The following NR1H2 variants were observed in gnomAD, a reference collection of about 807,000 sequenced individuals.
The protein encoded by NR1H2 is nuclear receptor subfamily 1 group H member 2.
NR1H2 carries 33 observed loss-of-function variants against 51.2 expected under a neutral mutation model. That is an observed-to-expected ratio of 0.64 (90% confidence interval 0.49 to 0.86). The LOEUF (loss-of-function observed/expected upper bound fraction) is 0.86, where lower values mean the gene tolerates loss of function less well. NR1H2 is among the 40% of genes least tolerant of loss of function. NR1H2 has a pLI of 0.00. For synonymous variants in NR1H2, 310 were observed against 264.3 expected (o/e 1.17, Z -1.68); for missense variants, 592 against 639.9 (o/e 0.93, Z 0.81).
Position 50,378,153 on chromosome 19 carries a change from C to G in NR1H2, c.186C>G (p.Ile62Met). 2 of 1,608,368 alleles carry G rather than the reference C, an allele frequency of 1.2e-6. No individual in the cohort carries two copies. Among genetic ancestry groups the G allele is most frequent in the Non-Finnish European group, 8.5e-7 (1 of 1,176,478 alleles). The change falls in exon 5 of 10, where the codon ATC becomes ATG. Residue 62 changes from isoleucine to methionine, a missense_variant. Around this residue, in one of 3 missense-constraint regions of NR1H2, gnomAD observed 316 missense variants for 313.4 expected, o/e 1.01. Coordinates refer to ENST00000253727, the MANE Select transcript of NR1H2 (RefSeq NM_007121.7). ...GCCTCTACCTACCCACCCCAGTCAT[C>G]CCAGATCCCGAAGAGGAACCAGAGC... ...ASSACSTDWV[I>M]PDPEEEPERK... is the part of the protein sequence containing the mutation.
rs1211992373 is a variant in NR1H2, at chr19:50,377,828, C to G, written c.139C>G (p.Pro47Ala). The G allele has an allele frequency of 6.2e-7, 1 of 1,605,850 alleles. No homozygotes were observed. The highest frequency in any genetic ancestry group is 8.5e-7 in the Non-Finnish European group (1 of 1,176,946). The change falls in exon 4 of 10, where the codon CCA (proline) becomes GCA (alanine). Residue 47 changes from proline (P) to alanine (A), a missense_variant. Physicochemically the swap from Pro to Ala is conservative, Grantham distance 27. This residue lies in a region of NR1H2 where 316 missense variants were observed against 313.4 expected (regional missense o/e 1.01). Transcript: ENST00000253727. Reference sequence around the variant, plus strand: ...GCCCGGGGGTCCGGACCCTGATGTCCCAGGCACTGATGAGGCCAGCTCAGC... The same window carrying G: ...GCCCGGGGGTCCGGACCCTGATGTCGCAGGCACTGATGAGGCCAGCTCAGC... ...PWPGGPDPDVPGTDEASSACS... is the reference protein window; with the variant it reads ...PWPGGPDPDVAGTDEASSACS...
At chr19:50,378,003 C>T in intron 4 of NR1H2, 133 bp downstream of exon 4, 32 of 1,426,776 alleles carry the variant, frequency 2.2e-5, no homozygotes, top group Non-Finnish European at 3.0e-5. Context: ...ATACATCTTT[C>T]TAAATTGCAA....
Position 50,377,745 on chromosome 19 carries a change from C to G in NR1H2, c.56C>G (p.Pro19Arg). 6.2e-7 allele frequency: 1 copy of G among 1,607,226 alleles called. No homozygotes were observed. Among genetic ancestry groups the G allele is most frequent in the East Asian group, 2.2e-5 (1 of 44,824 alleles). ...LDTPLPGNGPPQPGAPSSSPT... is the reference protein window; with the variant it reads ...LDTPLPGNGPRQPGAPSSSPT... ...CACCCTCTTCCAGGAAATGGCCCCCCTCAGCCTGGCGCCCCTTCTTCTTCA... is the reference window on the plus strand; with the variant it reads ...CACCCTCTTCCAGGAAATGGCCCCCGTCAGCCTGGCGCCCCTTCTTCTTCA... Residue 19 changes from proline (P) to arginine (R), a missense_variant, in exon 4 of 10, where the codon CCT becomes CGT. Physicochemically the swap from Pro to Arg is moderately radical, Grantham distance 103 (BLOSUM62 -2). Transcript: ENST00000253727.
chr19:50,379,963 C>T, intron 8 of NR1H2, 84 bp downstream of exon 8: 1 of 899,618 alleles, frequency 1.1e-6, no homozygotes, highest in South Asian at 1.3e-5. Flanking sequence ...GTTGGAGTCT[C>T]TGTTTCTTTA....
Position 50,382,109 on chromosome 19 carries a change from G to C in NR1H2, c.1171G>C (p.Val391Leu), listed in dbSNP as rs757530580. The change falls in exon 9 of 10, where the codon GTG (valine) becomes CTG (leucine). Residue 391 changes from valine to leucine, a missense_variant. Val to Leu is a conservative substitution (Grantham distance 32). This residue lies in a region of NR1H2 where 174 missense variants were observed against 174.0 expected (regional missense o/e 1.00). Transcript: ENST00000253727. ...GCCCAACGTGCAGGAGCCGGGCCGC[G>C]TGGAGGCGTTGCAGCAGCCCTACGT... ...DRPNVQEPGR[V>L]EALQQPYVEA... 6.5e-7 allele frequency: 1 copy of C among 1,546,462 alleles called. No homozygotes were observed. The highest frequency in any genetic ancestry group is 8.7e-7 in the Non-Finnish European group (1 of 1,146,980).
intron 7 of NR1H2, 122 bp downstream of exon 7, chr19:50,379,303 C>T (rs1001053854): frequency 1.7e-5 from 19 of 1,092,246 alleles, no homozygotes; most frequent in Admixed American, 2.8e-5. Flanking sequence ...ATAGAGTCTT[C>T]TATGAGCCAA....
In NR1H2 at chr19:50,379,791, A is replaced by G; in HGVS notation, c.939A>G (p.Leu313=). 1 of 1,612,494 alleles carries G rather than the reference A, an allele frequency of 6.2e-7. No homozygotes were observed. The highest frequency in any genetic ancestry group is 8.5e-7 in the Non-Finnish European group (1 of 1,178,528). The change falls in exon 8 of 10, where the codon CTA becomes CTG. Residue 313 remains leucine (L), a synonymous_variant. Transcript: ENST00000253727. Reference sequence around the variant, plus strand: ...GCTGCCGCCCTTAGATCATGCTGCTAGAGACAGCCAGGCGCTACAACCACG... The same window carrying G: ...GCTGCCGCCCTTAGATCATGCTGCTGGAGACAGCCAGGCGCTACAACCACG... ...LKASTIEIML[L]ETARRYNHET... is the part of the protein sequence containing the mutation.
intron 7 of NR1H2, 23 bp downstream of exon 7, chr19:50,379,204 G>C: frequency 6.3e-7 from 1 of 1,597,556 alleles, no homozygotes; most frequent in Non-Finnish European, 8.5e-7. Context: ...CTGCCCACAA[G>C]GAACCCCAGA....
chr19:50,379,909 T>G, intron 8 of NR1H2, 30 bp downstream of exon 8: 1 of 1,447,222 alleles, frequency 6.9e-7, no homozygotes, highest in Non-Finnish European at 9.7e-7. Flanking sequence ...TCGGGGAGGC[T>G]TGGCGCCCCT....
In NR1H2 at chr19:50,378,748, C is replaced by T; in HGVS notation, c.699C>T (p.Ala233=). The T allele has an allele frequency of 3.1e-6, 5 of 1,613,834 alleles. No homozygotes were observed. The highest frequency in any genetic ancestry group is 1.1e-5 in the South Asian group (1 of 91,082). Residue 233 remains alanine (A), a synonymous_variant, in exon 6 of 10, where the codon GCC becomes GCT. Coordinates refer to ENST00000253727, the MANE Select transcript of NR1H2 (RefSeq NM_007121.7). ...QELMIQQLVA[A]QLQCNKRSFS... is the part of the protein sequence containing the mutation. ...TAATGATCCAGCAGTTGGTGGCGGC[C>T]CAACTGCAGTGCAACAAACGCTCCT...
At position 50,378,586 on chromosome 19, in the gene NR1H2, AC is replaced by A; in HGVS notation, c.538del (p.Gln180SerfsTer40). On this transcript the variant is annotated frameshift_variant, in exon 6 of 10. Coordinates refer to ENST00000253727, the MANE Select transcript of NR1H2 (RefSeq NM_007121.7). LOFTEE classifies it high-confidence loss of function. ...IRKQQQESQS[Q>X]SQSPVGPQGS... Reference sequence around the variant, plus strand: ...GGAAACAGCAGCAGGAGTCACAGTCACAGTCGCAGTCACCTGTGGGGCCGCA... The same window carrying A: ...GGAAACAGCAGCAGGAGTCACAGTCAAGTCGCAGTCACCTGTGGGGCCGCA... 1 of 1,613,804 alleles carries A rather than the reference AC, an allele frequency of 6.2e-7. No individual in the cohort carries two copies. Among genetic ancestry groups the A allele is most frequent in the Non-Finnish European group, 8.5e-7 (1 of 1,179,836 alleles).
chr19:50,382,216 C>T (rs555135708), intron 9 of NR1H2, 42 bp downstream of exon 9: 39 of 1,473,530 alleles, frequency 2.6e-5, no homozygotes, highest in Admixed American at 4.5e-5. Flanking sequence ...AACTACGTCC[C>T]GCGGCCCACG....
rs764676583 is a variant in NR1H2 at position 50,382,475 on chromosome 19, G to A, written c.1256G>A (p.Arg419His). 35 of 1,606,414 alleles carry A rather than the reference G, an allele frequency of 2.2e-5. No individual in the cohort carries two copies. In the South Asian group the frequency reaches 2.2e-4, roughly 10 times the overall value. Residue 419 changes from arginine to histidine, a missense_variant, in exon 10 of 10, where the codon CGC becomes CAC. Physicochemically the swap from Arg to His is conservative, Grantham distance 29 (BLOSUM62 0). Transcript: ENST00000253727. ...CCTCAGGACCAGCTGCGCTTCCCGC[G>A]CATGCTCATGAAGCTGGTGAGCCTG... The part of the protein sequence containing the change: ...KRPQDQLRFP[R>H]MLMKLVSLRT...
rs543135969 is a variant in NR1H2, at chr19:50,377,457, C to G, written c.-19-130C>G. The G allele has an allele frequency of 7.6e-6, 5 of 657,834 alleles. No individual in the cohort carries two copies. In the Admixed American group the frequency reaches 9.8e-5, roughly 13 times the overall value. The allele number at this position is 657,834 out of a possible 1,614,324, so 40.7% of individuals were successfully genotyped here. ...GGGAGGGTTTGTAGGCTGGCAGGAA[C>G]CAGGGTTGTGGCTGAGAGTAGGGTC... On this transcript the variant is annotated intron_variant, in intron 2 of 9. Coordinates refer to ENST00000253727, the MANE Select transcript of NR1H2 (RefSeq NM_007121.7).
chr19:50,383,152 G>A lies in NR1H2; in HGVS notation c.*550G>A, dbSNP rs1002369852. 1.3e-5 allele frequency among the ~76,000 whole-genome samples: 2 copies of A among 152,162 alleles called. No individual in the cohort carries two copies. Among genetic ancestry groups the A allele is most frequent in the Non-Finnish European group, 2.9e-5 (2 of 68,024 alleles). ...GGGTGGCACATAGGGTCCCAGTGTT[G>A]GGTGGTGTGTCGCCTGCTGTGAAAG... On this transcript the variant is annotated 3_prime_UTR_variant, in exon 10 of 10. Transcript: ENST00000253727.
At chr19:50,379,719 G>A (rs2037734776) in intron 7 of NR1H2, 61 bp from the exon 8 acceptor site, 2 of 1,048,976 alleles carry the variant, frequency 1.9e-6, no homozygotes, top group Non-Finnish European at 3.0e-6. Context: ...GGCCAGGAGG[G>A]GAGGGACTAG....
chr19:50,379,194 C>G lies in NR1H2; in HGVS notation c.927+13C>G. 1 of 1,604,158 alleles carries G rather than the reference C, an allele frequency of 6.2e-7. No individual in the cohort carries two copies. The highest frequency in any genetic ancestry group is 8.5e-7 in the Non-Finnish European group (1 of 1,174,948). ...ATCCACTATCGAGGTAATGGTCCAT[C>G]TGCCCACAAGGAACCCCAGAGATAG... On this transcript the variant is annotated intron_variant, in intron 7 of 9. Coordinates refer to ENST00000253727, the MANE Select transcript of NR1H2 (RefSeq NM_007121.7).
Position 50,378,804 on chromosome 19 carries a change from C to A in NR1H2, c.747+8C>A. The A allele has an allele frequency of 6.2e-7, 1 of 1,606,392 alleles. No individual in the cohort carries two copies. The highest frequency in any genetic ancestry group is 8.5e-7 in the Non-Finnish European group (1 of 1,178,658). Reference sequence around the variant, plus strand: ...GACCAGCCCAAAGTCACGGTACTGCCCCCTCCACAACCTTGAGTGTGACGG... The same window carrying A: ...GACCAGCCCAAAGTCACGGTACTGCACCCTCCACAACCTTGAGTGTGACGG... On this transcript the variant is annotated splice_region_variant and intron_variant, in intron 6 of 9. Coordinates refer to ENST00000253727, the MANE Select transcript of NR1H2 (RefSeq NM_007121.7).
At chr19:50,379,332 G>T in intron 7 of NR1H2, 151 bp downstream of exon 7, 1 of 961,758 alleles carries the variant, frequency 1.0e-6, no homozygotes, top group African/African-American at 1.6e-5. Context: ...AGGAAAAAGG[G>T]TCTGAGGCTG....
Sources: allele counts gnomAD v4.1 joint callset (sites outside exome capture counted in the v4.1 genomes callset), GRCh38; gene constraint gnomAD v4.1.1; regional missense constraint gnomAD v4.1.1; transcripts MANE v1.5; gene names NCBI Gene and HGNC (gene_info 2026-07-23, HGNC 2026-07-21).